Variants in GRIK3 observed in about 807,000 individuals in gnomAD.
The protein encoded by GRIK3 is glutamate ionotropic receptor kainate type subunit 3.
A neutral mutation model predicts 102.5 loss-of-function variants in GRIK3; 29 were observed. That is an observed-to-expected ratio of 0.28 (90% confidence interval 0.21 to 0.39). The LOEUF is 0.39. Ranked by LOEUF, GRIK3 falls within the 10% of genes least tolerant of loss-of-function variation. The probability of loss-of-function intolerance (pLI) is 1.00; values close to 1 mark genes in which losing one functional copy is unlikely to be tolerated. For synonymous variants in GRIK3, 511 were observed against 504.9 expected (o/e 1.01, Z -0.16); for missense variants, 908 against 1,252.4 (o/e 0.73, Z 4.15).
intron 13 of GRIK3, among the ~76,000 whole-genome samples, chr1:36,814,527 C>CAG (rs1642602206): frequency 1.5e-5 from 2 of 131,448 alleles, no homozygotes; most frequent in South Asian, 2.8e-4. Context: ...CCCCCACACA[C>CAG]AGAGACACAT....
chr1:36,971,759 A>T (rs1642143887), intron 1 of GRIK3, among the ~76,000 whole-genome samples: 1 of 152,058 alleles, frequency 6.6e-6, no homozygotes, highest in Non-Finnish European at 1.5e-5. Context: ...AGTGAAGAAG[A>T]CTGCTGCCTG....
At chr1:36,962,006 G>A (rs774651123) in intron 1 of GRIK3, among the ~76,000 whole-genome samples, 43 of 152,220 alleles carry the variant, frequency 2.8e-4, no homozygotes, top group Non-Finnish European at 5.3e-4. Flanking sequence ...GCAGATGAAG[G>A]ACCCCTGATC....
intron 1 of GRIK3, among the ~76,000 whole-genome samples, chr1:36,992,300 C>T (rs557999711): frequency 6.6e-6 from 1 of 152,120 alleles, no homozygotes; most frequent in South Asian, 2.1e-4. Context: ...TGTGGGCCTG[C>T]AGGCAGGGAG....
chr1:36,962,345 A>G (rs959252876), intron 1 of GRIK3, among the ~76,000 whole-genome samples: 1 of 152,110 alleles, frequency 6.6e-6, no homozygotes, highest in African/African-American at 2.4e-5. Flanking sequence ...CCCAGAAACA[A>G]GCCACAGATG....
intron 7 of GRIK3, among the ~76,000 whole-genome samples, chr1:36,857,006 C>T (rs1208022350): frequency 3.3e-5 from 5 of 152,160 alleles, no homozygotes; most frequent in African/African-American, 4.8e-5. Flanking sequence ...GTCCCTAGTG[C>T]GACACACGTG....
At chr1:36,823,382 G>C (rs1445200852) in intron 11 of GRIK3, among the ~76,000 whole-genome samples, 1 of 147,882 alleles carries the variant, frequency 6.8e-6, no homozygotes, top group African/African-American at 2.5e-5. Flanking sequence ...GCTGAGGCAG[G>C]AGAATGGCGT....
chr1:36,960,335 C>T (rs1296442194), intron 1 of GRIK3, among the ~76,000 whole-genome samples: 11 of 151,864 alleles, frequency 7.2e-5, no homozygotes, highest in Non-Finnish European at 1.6e-4. Context: ...CTGTGTGACC[C>T]GTGAACCTGT....
chr1:36,906,444 TA>T (rs570923712), intron 1 of GRIK3, among the ~76,000 whole-genome samples: 172 of 152,272 alleles, frequency 1.1e-3, no homozygotes, highest in Non-Finnish European at 2.1e-3. Context: ...GGCAAGGACT[TA>T]ATACACAGTA....
chr1:36,819,816 T>C lies in GRIK3; in HGVS notation c.1793A>G (p.Asn598Ser). Residue 598 changes from asparagine (N) to serine (S), a missense_variant, in exon 12 of 16, where the codon AAC becomes AGC. Transcript: ENST00000373091. The surrounding 1 kb of genome is among the most constrained non-coding windows in gnomAD (Gnocchi z 4.1). Reference protein sequence around the residue: ...PYEWYDAHPCNPGSEVVENNF... With the variant: ...PYEWYDAHPCSPGSEVVENNF... ...ATTTTCCACCACCTCGGAGCCAGGG[T>C]TGCAGGGGTGAGCATCGTACCACTC... 1 of 1,599,852 alleles carries C rather than the reference T, an allele frequency of 6.3e-7. No homozygotes were observed. The highest frequency in any genetic ancestry group is 8.5e-7 in the Non-Finnish European group (1 of 1,171,164).
chr1:37,009,340 C>A (rs1213004982), intron 1 of GRIK3, among the ~76,000 whole-genome samples: 3 of 152,118 alleles, frequency 2.0e-5, no homozygotes, highest in African/African-American at 7.2e-5. Context: ...GAGGCCTGGG[C>A]AAGCTCAGTG....
At chr1:36,995,150 C>T (rs999533075) in intron 1 of GRIK3, among the ~76,000 whole-genome samples, 3 of 152,110 alleles carry the variant, frequency 2.0e-5, no homozygotes, top group Non-Finnish European at 2.9e-5. Flanking sequence ...TGCTGTCATC[C>T]GATGTAATTG....
chr1:36,917,058 G>C (rs146066095), intron 1 of GRIK3, among the ~76,000 whole-genome samples: 1 of 152,200 alleles, frequency 6.6e-6, no homozygotes, highest in Admixed American at 6.5e-5. Flanking sequence ...AGCTGCCAAC[G>C]ACCATGGGAA....
chr1:37,033,954 C>T, intron 1 of GRIK3, 40 bp downstream of exon 1: 1 of 1,215,844 alleles, frequency 8.2e-7, no homozygotes, highest in Non-Finnish European at 1.2e-6. Flanking sequence ...CCCGCCCCCT[C>T]CCGGGCGCAC....
rs567970848 is a variant in GRIK3, at chr1:36,938,708, G to T, written c.116-47612C>A. ...TCTCATCCTCCCACTCTCAACCTGT[G>T]TTCTGAATGGGAGCTGCTCTTCTTG... is the stretch of plus-strand genomic sequence containing the variant. On this transcript the variant is annotated intron_variant, in intron 1 of 15. Coordinates refer to ENST00000373091, the MANE Select transcript of GRIK3 (RefSeq NM_000831.4). Among the ~76,000 whole-genome samples, 5 of 152,190 alleles carry T rather than the reference G, an allele frequency of 3.3e-5. No homozygotes were observed. The South Asian group carries it at 8.3e-4, about 25-fold the overall frequency.
chr1:36,886,585 T>A (rs1180710160), intron 2 of GRIK3, among the ~76,000 whole-genome samples: 1 of 152,156 alleles, frequency 6.6e-6, no homozygotes, highest in Non-Finnish European at 1.5e-5. Context: ...AGCAGAGGGA[T>A]GGTATCTGTC....
intron 1 of GRIK3, among the ~76,000 whole-genome samples, chr1:36,960,961 A>G (rs1019264554): frequency 6.6e-6 from 1 of 152,228 alleles, no homozygotes; most frequent in Admixed American, 6.5e-5. Context: ...AGCACAACAC[A>G]TAGGTCACCA....
chr1:36,868,722 G>T (rs746452378), intron 5 of GRIK3, among the ~76,000 whole-genome samples: 84 of 152,196 alleles, frequency 5.5e-4, no homozygotes, highest in Non-Finnish European at 8.2e-4. Flanking sequence ...TGTTCCTTCT[G>T]CATACAATGT....
Position 37,016,940 on chromosome 1 carries a change from C to T in GRIK3, c.115+17054G>A, listed in dbSNP as rs138787241. 4.8e-4 allele frequency among the ~76,000 whole-genome samples: 73 copies of T among 152,152 alleles called. No individual in the cohort carries two copies. In the East Asian group the frequency reaches 0.012, roughly 25 times the overall value. ...ACATCAAAAGATGTTGAGGGCCAGG[C>T]GCGGTGGCTCAAACCTGTAATCCCA... is the stretch of plus-strand genomic sequence containing the variant. On this transcript the variant is annotated intron_variant, in intron 1 of 15. Coordinates refer to ENST00000373091, the MANE Select transcript of GRIK3 (RefSeq NM_000831.4).
chr1:36,911,798 G>A (rs530440315), intron 1 of GRIK3, among the ~76,000 whole-genome samples: 4 of 152,046 alleles, frequency 2.6e-5, no homozygotes, highest in South Asian at 4.2e-4. Context: ...AGGACTGAGC[G>A]GGGAGCTGTG....
Sources: allele counts gnomAD v4.1 joint callset (sites outside exome capture counted in the v4.1 genomes callset), GRCh38; gene constraint gnomAD v4.1.1; non-coding constraint Gnocchi (gnomAD v3.1); transcripts MANE v1.5; gene names NCBI Gene and HGNC (gene_info 2026-07-23, HGNC 2026-07-21).